LNX1: variants seen among roughly 807,000 people sequenced by gnomAD.
LNX1 encodes E3 ubiquitin-protein ligase LNX.
In LNX1, 54 loss-of-function variants were observed where a neutral mutation model predicts 68.4. The observed-to-expected ratio is 0.79, with a 90% CI of 0.63 to 0.99. The LOEUF (loss-of-function observed/expected upper bound fraction) is 0.99. Among genes scored for constraint, LNX1 ranks in the 50% least tolerant of loss-of-function variants. The pLI, the probability that LNX1 is intolerant of heterozygous loss-of-function variation, is 0.00. For synonymous variants in LNX1, 336 were observed against 350.0 expected (o/e 0.96, Z 0.45); for missense variants, 906 against 926.4 (o/e 0.98, Z 0.29).
chr4:53,651,313 C>T (rs558277166), intron 1 of LNX1, among the ~76,000 whole-genome samples: 26 of 152,318 alleles, frequency 1.7e-4, no homozygotes, highest in East Asian at 1.2e-3. Context: ...CTCTGCACTG[C>T]GTCAGCATTC....
At chr4:53,644,466 G>A (rs1330659952) in intron 1 of LNX1, among the ~76,000 whole-genome samples, 1 of 152,074 alleles carries the variant, frequency 6.6e-6, no homozygotes, top group Non-Finnish European at 1.5e-5. Context: ...AATGTAAAGT[G>A]ACTTAAGCTA....
upstream of LNX1, chr4:53,593,785 G>T (rs187848648): frequency 2.6e-5 from 4 of 152,216 alleles, no homozygotes; most frequent in Middle Eastern, 3.4e-3. Context: ...GCTACTTATT[G>T]TTCTGAGCAC....
intron 2 of LNX1, among the ~76,000 whole-genome samples, chr4:53,572,650 T>C (rs894885359): frequency 3.3e-5 from 5 of 152,216 alleles, no homozygotes; most frequent in African/African-American, 1.2e-4. Context: ...TTGTTCACCC[T>C]TTATTAAGCA....
upstream of LNX1, among the ~76,000 whole-genome samples, chr4:53,619,559 T>G (rs1188521650): frequency 6.6e-6 from 1 of 152,190 alleles, no homozygotes; most frequent in African/African-American, 2.4e-5. Flanking sequence ...CTTTTTATGG[T>G]TGAGTGACAG....
chr4:53,484,974 TG>T (rs1225952049), intron 6 of LNX1, among the ~76,000 whole-genome samples: 1 of 152,204 alleles, frequency 6.6e-6, no homozygotes, highest in African/African-American at 2.4e-5. Flanking sequence ...AATTCCCTGG[TG>T]TTTCTCATCA....
At chr4:53,550,457 T>C (rs1729423804) in intron 2 of LNX1, among the ~76,000 whole-genome samples, 1 of 152,242 alleles carries the variant, frequency 6.6e-6, no homozygotes, top group Non-Finnish European at 1.5e-5. Context: ...ACACTTTTTT[T>C]TCCCCTTTTC....
At chr4:53,620,355 G>C (rs1244944654), upstream of LNX1, among the ~76,000 whole-genome samples, 1 of 152,224 alleles carries the variant, frequency 6.6e-6, no homozygotes, top group Non-Finnish European at 1.5e-5. Context: ...CCCAGATGTA[G>C]TGAATTACAA....
At chr4:53,617,742 A>G (rs1733732429), upstream of LNX1, among the ~76,000 whole-genome samples, 8 of 152,244 alleles carry the variant, frequency 5.3e-5, no homozygotes, top group Admixed American at 5.2e-4. Flanking sequence ...AAATTGTAAT[A>G]CAGAGATGTT....
intron 2 of LNX1, among the ~76,000 whole-genome samples, chr4:53,613,658 A>G (rs778004718): frequency 1.3e-5 from 2 of 152,154 alleles, no homozygotes; most frequent in Non-Finnish European, 2.9e-5. Flanking sequence ...TCATGGCTGC[A>G]TAGTATTCCA....
At chr4:53,499,648 T>C (rs1242406946) in intron 4 of LNX1, among the ~76,000 whole-genome samples, 1 of 152,206 alleles carries the variant, frequency 6.6e-6, no homozygotes, top group Non-Finnish European at 1.5e-5. Context: ...TATTGAGAGG[T>C]AAAAAACAGA....
chr4:53,647,603 T>G (rs1057390764), intron 1 of LNX1, among the ~76,000 whole-genome samples: 1 of 152,258 alleles, frequency 6.6e-6, no homozygotes, highest in African/African-American at 2.4e-5. Flanking sequence ...ATTTTTTACT[T>G]ATGGTAAAAT....
Position 53,459,651 on chromosome 4 carries a change from A to G in LNX1, c.*1256T>C. On this transcript the variant is annotated 3_prime_UTR_variant, in exon 11 of 11. Transcript: ENST00000263925. ...TGTCTTGTACTATTTCAAAAATAAA[A>G]AGACAGCAATGACTTTATATCCAAG... 4.4e-6 allele frequency: 3 copies of G among 679,242 alleles called. No individual in the cohort carries two copies. In the South Asian group the frequency reaches 5.9e-5, roughly 13 times the overall value. The allele number at this position is 679,242 out of a possible 1,614,324, so 42.1% of individuals were successfully genotyped here.
upstream of LNX1, among the ~76,000 whole-genome samples, chr4:53,595,107 T>C (rs1732691311): frequency 6.6e-6 from 1 of 152,108 alleles, no homozygotes; most frequent in Admixed American, 6.5e-5. Flanking sequence ...GAATATTTCA[T>C]GAAGAAAGGA....
intron 1 of LNX1, among the ~76,000 whole-genome samples, chr4:53,636,179 C>CGT (rs1734466612): frequency 1.2e-5 from 1 of 85,226 alleles, no homozygotes; most frequent in Admixed American, 1.7e-4. Context: ...TCTATTACTC[C>CGT]TTTTTTTTTT....
Position 53,573,748 on chromosome 4 carries a change from C to T in LNX1, c.255G>A (p.Gln85=). 1 of 1,611,906 alleles carries T rather than the reference C, an allele frequency of 6.2e-7. No homozygotes were observed. Among genetic ancestry groups the T allele is most frequent in the Non-Finnish European group, 8.5e-7 (1 of 1,179,050 alleles). The change falls in exon 2 of 11, where the codon CAG becomes CAA. Residue 85 remains glutamine (Q), a synonymous_variant. Transcript: ENST00000263925. ...CCAGGATGCTGGACTTCTTGCAGTG[C>T]TGCAGAACCAGAGGCTTGCGGTCCA... ...CPMDRKPLVL[Q]HCKKSSILVN...
At chr4:53,584,616 A>T (rs1294724061) in intron 1 of LNX1, among the ~76,000 whole-genome samples, 1 of 152,200 alleles carries the variant, frequency 6.6e-6, no homozygotes, top group African/African-American at 2.4e-5. Flanking sequence ...ACCTGAGCAA[A>T]TGTGTCAATC....
chr4:53,480,247 G>T (rs1339299862), intron 7 of LNX1, among the ~76,000 whole-genome samples: 2 of 152,114 alleles, frequency 1.3e-5, no homozygotes, highest in Non-Finnish European at 2.9e-5. Context: ...AGTTAAAACG[G>T]AAATAATTAC....
intron 1 of LNX1, among the ~76,000 whole-genome samples, chr4:53,622,775 G>A (rs1419342777): frequency 6.6e-6 from 1 of 152,200 alleles, no homozygotes; most frequent in Non-Finnish European, 1.5e-5. Context: ...CTGGAAAGAT[G>A]AGAATAAGAG....
chr4:53,484,895 A>G (rs993738465), intron 6 of LNX1, among the ~76,000 whole-genome samples: 12 of 152,338 alleles, frequency 7.9e-5, no homozygotes, highest in African/African-American at 2.9e-4. Context: ...TCCTTCACAC[A>G]AAGTCTGGCC....
Sources: gnomAD v4.1 joint callset for allele counts (sites outside exome capture counted in the v4.1 genomes callset) on GRCh38, gnomAD v4.1.1 for gene constraint, MANE v1.5 for transcripts, NCBI Gene and HGNC (gene_info 2026-07-23, HGNC 2026-07-21) for gene names.